VTI1A: variants seen among roughly 807,000 people sequenced by gnomAD.
VTI1A encodes vesicle transport through interaction with t-SNAREs homolog 1A.
A neutral mutation model predicts 34.9 loss-of-function variants in VTI1A; 22 were observed. That is an observed-to-expected ratio of 0.63 (90% CI 0.45 to 0.90). The LOEUF is 0.90. Ranked by LOEUF, VTI1A falls within the 40% of genes least tolerant of loss-of-function variation. The pLI is 0.00. For missense variants in VTI1A, 268 were observed against 275.6 expected, an observed-to-expected ratio of 0.97 and a Z score of 0.20; for synonymous variants, 87 against 97.3, an observed-to-expected ratio of 0.89 and a Z score of 0.62.
intron 7 of VTI1A, among the ~76,000 whole-genome samples, chr10:112,679,807 G>A (rs558282675): frequency 6.6e-5 from 10 of 151,230 alleles, no homozygotes; most frequent in African/African-American, 2.4e-4. Context: ...TCCCAAATCA[G>A]TTAAAGATGT....
At chr10:112,814,554 C>T (rs1158526951) in intron 7 of VTI1A, among the ~76,000 whole-genome samples, 4 of 152,164 alleles carry the variant, frequency 2.6e-5, no homozygotes, top group African/African-American at 9.6e-5. Context: ...GGTCCCCCTT[C>T]TAAGTTGCTG....
intron 7 of VTI1A, among the ~76,000 whole-genome samples, chr10:112,726,431 G>T (rs769257746): frequency 6.6e-6 from 1 of 152,144 alleles, no homozygotes; most frequent in Non-Finnish European, 1.5e-5. Context: ...ATTTAGTCTT[G>T]TTCTTAACCC....
At chr10:112,640,987 A>T (rs187976948) in intron 5 of VTI1A, among the ~76,000 whole-genome samples, 1 of 152,324 alleles carries the variant, frequency 6.6e-6, no homozygotes, top group Admixed American at 6.5e-5. Context: ...AGGCATATTC[A>T]GATTGGCTGT....
At chr10:112,499,893 A>G (rs1463716197) in intron 3 of VTI1A, among the ~76,000 whole-genome samples, 2 of 152,080 alleles carry the variant, frequency 1.3e-5, no homozygotes, top group Admixed American at 1.3e-4. Context: ...CACTCTCTTG[A>G]CATGTCACTC....
chr10:112,685,947 A>G (rs1458925288), intron 7 of VTI1A, among the ~76,000 whole-genome samples: 2 of 152,176 alleles, frequency 1.3e-5, no homozygotes, highest in Non-Finnish European at 1.5e-5. Context: ...CACCACAAAA[A>G]AACACACTAT....
intron 3 of VTI1A, among the ~76,000 whole-genome samples, chr10:112,482,141 A>G (rs1052263985): frequency 7.2e-5 from 11 of 152,154 alleles, no homozygotes; most frequent in African/African-American, 2.7e-4. Flanking sequence ...AACAATTGCT[A>G]TTTTAAAACC....
At chr10:112,839,707 C>T in the VTI1A span, among the ~76,000 whole-genome samples, 55 of 152,272 alleles carry the variant, frequency 3.6e-4, no homozygotes, top group African/African-American at 1.3e-3. Context: ...TGCACCCCTA[C>T]TCCTACCTCC....
intron 7 of VTI1A, among the ~76,000 whole-genome samples, chr10:112,681,770 G>T (rs1240694062): frequency 1.3e-5 from 2 of 151,940 alleles, no homozygotes; most frequent in Non-Finnish European, 2.9e-5. Context: ...TTAAAGACAG[G>T]TCTTTGAAAT....
chr10:112,517,947 T>A (rs1407120279), intron 3 of VTI1A, among the ~76,000 whole-genome samples: 3 of 152,122 alleles, frequency 2.0e-5, no homozygotes, highest in Admixed American at 1.3e-4. Context: ...TGACTTTAAT[T>A]AATAATAATG....
intron 5 of VTI1A, among the ~76,000 whole-genome samples, chr10:112,649,158 T>C (rs1347212844): frequency 6.6e-6 from 1 of 152,140 alleles, no homozygotes; most frequent in East Asian, 1.9e-4. Flanking sequence ...CAATGAATTA[T>C]ACAGCATTCA....
At chr10:112,743,248 GA>G (rs1353623013) in intron 7 of VTI1A, among the ~76,000 whole-genome samples, 1 of 152,154 alleles carries the variant, frequency 6.6e-6, no homozygotes, top group South Asian at 2.1e-4. Context: ...CTGCAACAAT[GA>G]GCAGACCCAT....
intron 7 of VTI1A, among the ~76,000 whole-genome samples, chr10:112,687,941 A>G (rs371430422): frequency 1.6e-4 from 23 of 146,024 alleles, no homozygotes; most frequent in African/African-American, 5.9e-4. Context: ...CTGGCCGGTG[A>G]CCAAGTCTTT....
intron 3 of VTI1A, among the ~76,000 whole-genome samples, chr10:112,494,816 A>C (rs1450707535): frequency 6.6e-6 from 1 of 152,146 alleles, no homozygotes; most frequent in Non-Finnish European, 1.5e-5. Context: ...ACCCAGCCAG[A>C]TCTTTCTTTC....
intron 7 of VTI1A, among the ~76,000 whole-genome samples, chr10:112,777,518 TG>T (rs748216255): frequency 6.7e-4 from 102 of 152,364 alleles, no homozygotes; most frequent in Non-Finnish European, 1.1e-3. Flanking sequence ...AGGCCATCTC[TG>T]GGGCTAGAAA....
At position 112,597,438 on chromosome 10, in the gene VTI1A, G is replaced by A. The variant is rs1016626341; in HGVS notation, c.427+59108G>A. On this transcript the variant is annotated intron_variant, in intron 5 of 7. Transcript: ENST00000393077. The stretch of plus-strand genomic sequence containing the variant: ...TCTCCATGTTGGTCAGGCTGGTCTC[G>A]AACTCCCGACCGCAGGTGATCTGCC... Among the ~76,000 whole-genome samples, 7 of 152,200 alleles carry A rather than the reference G, an allele frequency of 4.6e-5. No homozygotes were observed. In the South Asian group the frequency reaches 6.2e-4, roughly 14 times the overall value.
chr10:112,818,739 G>A lies in VTI1A; in HGVS notation c.*3356G>A. ...CAAATTGCATTAAACAACTGTTAAG[G>A]GCTAATGATTTGTTTATCGCTTTTT... On this transcript the variant is annotated 3_prime_UTR_variant, in exon 8 of 8. Transcript: ENST00000393077. The A allele has an allele frequency of 5.2e-6, 1 of 193,816 alleles. No homozygotes were observed. Among genetic ancestry groups the A allele is most frequent in the Non-Finnish European group, 1.1e-5 (1 of 92,898 alleles). The allele number at this position is 193,816 out of a possible 1,614,324, so 12.0% of individuals were successfully genotyped here. A position where few individuals can be genotyped will look rare whatever the true frequency, so the allele number is the denominator to read the frequency against.
intron 7 of VTI1A, among the ~76,000 whole-genome samples, chr10:112,727,673 G>A (rs1291353875): frequency 2.6e-5 from 4 of 152,020 alleles, no homozygotes; most frequent in Non-Finnish European, 5.9e-5. Flanking sequence ...CATTTACAGG[G>A]CAGAAAAACT....
At chr10:112,583,127 C>T (rs1352414947) in intron 5 of VTI1A, among the ~76,000 whole-genome samples, 4 of 152,144 alleles carry the variant, frequency 2.6e-5, no homozygotes, top group African/African-American at 4.8e-5. Context: ...AAAGGATAAG[C>T]GATGATCAAG....
intron 5 of VTI1A, among the ~76,000 whole-genome samples, chr10:112,654,420 A>C (rs1251830856): frequency 2.6e-5 from 4 of 152,166 alleles, no homozygotes; most frequent in Admixed American, 6.5e-5. Flanking sequence ...ATTTAGAAAT[A>C]ATATTAAGAT....
Sources: allele counts gnomAD v4.1 joint callset (sites outside exome capture counted in the v4.1 genomes callset), GRCh38; gene constraint gnomAD v4.1.1; transcripts MANE v1.5; gene names NCBI Gene and HGNC (gene_info 2026-07-23, HGNC 2026-07-21).